GALNT11: variants seen among roughly 807,000 people sequenced by gnomAD.
GALNT11 encodes UDP-GalNAc:polypeptide N-acetylgalactosaminyltransferase 11.
In GALNT11, 47 loss-of-function variants were observed where a neutral mutation model predicts 72.7. The ratio of observed to expected loss-of-function variants is 0.65; its 90% CI spans 0.51 to 0.82. The LOEUF (loss-of-function observed/expected upper bound fraction) is 0.82. Ranked by LOEUF, GALNT11 falls within the 40% of genes least tolerant of loss-of-function variation. GALNT11 has a pLI of 0.00. For synonymous variants in GALNT11, 270 were observed against 286.6 expected (o/e 0.94, Z 0.58); for missense variants, 677 against 778.4 (o/e 0.87, Z 1.55).
chr7:152,039,924 TC>T (rs1188602767), intron 1 of GALNT11, among the ~76,000 whole-genome samples: 2 of 152,140 alleles, frequency 1.3e-5, no homozygotes, highest in East Asian at 3.9e-4. Flanking sequence ...TTAGGCAGGC[TC>T]AAAAAATTTA....
At position 152,108,199 on chromosome 7, in the gene GALNT11, G is replaced by A. The variant is rs533548373; in HGVS notation, c.874G>A (p.Gly292Arg). The change falls in exon 6 of 12, where the codon GGA (glycine) becomes AGA (arginine). Residue 292 changes from glycine to arginine, a missense_variant. Gly to Arg is a moderately radical substitution (Grantham distance 125, BLOSUM62 -2). Coordinates refer to ENST00000430044, the MANE Select transcript of GALNT11 (RefSeq NM_022087.4). Reference sequence around the variant, plus strand: ...CTACAGCTCGTCCCCTGTCGTCCGCGGAGGGTTCAACTGGGGACTGCACTT... The same window carrying A: ...CTACAGCTCGTCCCCTGTCGTCCGCAGAGGGTTCAACTGGGGACTGCACTT... ...LAYSSSPVVR[G>R]GFNWGLHFKW... 9.9e-6 allele frequency: 16 copies of A among 1,614,032 alleles called. No homozygotes were observed. Among genetic ancestry groups the A allele is most frequent in the South Asian group, 5.5e-5 (5 of 91,084 alleles).
rs956945033 is a variant in GALNT11 at position 152,055,040 on chromosome 7, T to C, written c.-39+29156T>C. Among the ~76,000 whole-genome samples the C allele has an allele frequency of 2.7e-5, 4 of 149,982 alleles. No homozygotes were observed. The South Asian group carries it at 8.5e-4, about 32-fold the overall frequency. Reference sequence around the variant, plus strand: ...AGCAGGCCAGAGACACAGGGAGGAGTTGCTGTTGCAATTTGAGTCCAAAGG... The same window carrying C: ...AGCAGGCCAGAGACACAGGGAGGAGCTGCTGTTGCAATTTGAGTCCAAAGG... On this transcript the variant is annotated intron_variant, in intron 1 of 11. Coordinates refer to ENST00000430044, the MANE Select transcript of GALNT11 (RefSeq NM_022087.4).
intron 1 of GALNT11, among the ~76,000 whole-genome samples, chr7:152,070,562 CAG>C (rs2084578340): frequency 6.6e-6 from 1 of 152,204 alleles, no homozygotes; most frequent in Admixed American, 6.5e-5. Flanking sequence ...TCAAAGCTAG[CAG>C]TAGGTCAAGT....
chr7:152,072,147 C>G (rs2084687900), intron 1 of GALNT11, among the ~76,000 whole-genome samples: 2 of 151,646 alleles, frequency 1.3e-5, no homozygotes, highest in South Asian at 4.2e-4. Flanking sequence ...TGATGAAACC[C>G]CATCTCTACT....
rs2086215736 is a variant in GALNT11, at chr7:152,094,067, T to C, written c.-38-123T>C. On this transcript the variant is annotated intron_variant, in intron 1 of 11. Transcript: ENST00000430044. The surrounding 1 kb of genome is among the most constrained non-coding windows in gnomAD (Gnocchi z 4.3). ...GTACTATCCATACATCTTCTTGTAT[T>C]TGAATATCCGTTAACTGTACGCATA... The C allele has an allele frequency of 5.1e-6, 4 of 779,470 alleles. No homozygotes were observed. The highest frequency in any genetic ancestry group is 8.1e-6 in the Non-Finnish European group (4 of 492,658). 48.3% of individuals were successfully genotyped at this position (779,470 alleles called of 1,614,324 possible).
intron 11 of GALNT11, 49 bp downstream of exon 11, chr7:152,121,017 T>C (rs148155799): frequency 1.3e-6 from 2 of 1,590,418 alleles, no homozygotes; most frequent in African/African-American, 1.4e-5. Context: ...GCCCACAAGG[T>C]TGAGTGAGGG....
At chr7:152,044,917 GGGTTTA>G (rs2083044114) in intron 1 of GALNT11, among the ~76,000 whole-genome samples, 1 of 151,592 alleles carries the variant, frequency 6.6e-6, no homozygotes. Flanking sequence ...TACTAACTGT[GGGTTTA>G]TTGTATATGG....
At chr7:152,081,747 G>A (rs2085337707) in intron 1 of GALNT11, among the ~76,000 whole-genome samples, 1 of 152,062 alleles carries the variant, frequency 6.6e-6, no homozygotes, top group Non-Finnish European at 1.5e-5. Context: ...GTTTATGGGG[G>A]ATGCTAGAAA....
intron 1 of GALNT11, among the ~76,000 whole-genome samples, chr7:152,043,546 T>C (rs1339406660): frequency 6.6e-6 from 1 of 151,876 alleles, no homozygotes. Context: ...ATCTGGGGGG[T>C]GTACTCTAAC....
rs2129084028 is a variant in GALNT11, at chr7:152,121,865, G to A, written c.*188G>A. Reference sequence around the variant, plus strand: ...TGTCTGACAGAGACGGGAGCTCTGAGTGTCCACGGGTGAAGAAGTGAGTGT... The same window carrying A: ...TGTCTGACAGAGACGGGAGCTCTGAATGTCCACGGGTGAAGAAGTGAGTGT... On this transcript the variant is annotated 3_prime_UTR_variant, in exon 12 of 12. Transcript: ENST00000430044. 3.4e-6 allele frequency: 2 copies of A among 595,986 alleles called. No individual in the cohort carries two copies. The highest frequency in any genetic ancestry group is 3.0e-5 in the East Asian group (1 of 33,218). The allele number at this position is 595,986 out of a possible 1,614,324, so 36.9% of individuals were successfully genotyped here. A position where few individuals can be genotyped will look rare whatever the true frequency, so the allele number is the denominator to read the frequency against.
At chr7:152,028,529 C>T (rs2082150178) in intron 1 of GALNT11, among the ~76,000 whole-genome samples, 1 of 151,996 alleles carries the variant, frequency 6.6e-6, no homozygotes, top group South Asian at 2.1e-4. Context: ...AGTCCCCTAC[C>T]CGATTAGCTA....
intron 1 of GALNT11, among the ~76,000 whole-genome samples, chr7:152,044,242 C>A (rs192067554): frequency 6.6e-6 from 1 of 152,136 alleles, no homozygotes; most frequent in East Asian, 1.9e-4. Flanking sequence ...GTATTCCTTA[C>A]GGGAAATAAA....
At chr7:152,114,672 T>A (rs1478281831) in intron 8 of GALNT11, among the ~76,000 whole-genome samples, 1 of 152,128 alleles carries the variant, frequency 6.6e-6, no homozygotes, top group Non-Finnish European at 1.5e-5. Context: ...GTGATTCTCC[T>A]GCCTCAGCCT....
At chr7:152,070,376 A>G (rs2084565706) in intron 1 of GALNT11, among the ~76,000 whole-genome samples, 2 of 152,130 alleles carry the variant, frequency 1.3e-5, no homozygotes. Context: ...CTATTCTTAC[A>G]GCACAACTTA....
chr7:152,049,588 C>T (rs1320976569), intron 1 of GALNT11, among the ~76,000 whole-genome samples: 1 of 152,208 alleles, frequency 6.6e-6, no homozygotes, highest in Non-Finnish European at 1.5e-5. Context: ...GAAGCCAGCA[C>T]AACACCAGGT....
chr7:152,103,041 G>T, intron 3 of GALNT11, 71 bp from the exon 4 acceptor site: 1 of 1,369,932 alleles, frequency 7.3e-7, no homozygotes, highest in South Asian at 1.3e-5. Flanking sequence ...CAGTAAATCT[G>T]TAGGTGAATA....
At chr7:152,046,065 A>G (rs1437039416) in intron 1 of GALNT11, among the ~76,000 whole-genome samples, 1 of 152,070 alleles carries the variant, frequency 6.6e-6, no homozygotes, top group Non-Finnish European at 1.5e-5. Flanking sequence ...ATTCAGGTGC[A>G]TATTGTTTAA....
chr7:152,028,080 T>A (rs548744023), intron 1 of GALNT11, among the ~76,000 whole-genome samples: 3 of 152,306 alleles, frequency 2.0e-5, no homozygotes, highest in Admixed American at 2.0e-4. Flanking sequence ...GCTCATAAAG[T>A]TAGTGCAGAC....
At chr7:152,113,976 C>CTGGTCTTG (rs2088569335) in intron 8 of GALNT11, among the ~76,000 whole-genome samples, 1 of 151,282 alleles carries the variant, frequency 6.6e-6, no homozygotes, top group South Asian at 2.1e-4. Context: ...GTTGCCCAGG[C>CTGGTCTTG]TGGTCTTGAG....
Sources: gnomAD v4.1 joint callset for allele counts (sites outside exome capture counted in the v4.1 genomes callset) on GRCh38, gnomAD v4.1.1 for gene constraint, Gnocchi (gnomAD v3.1) non-coding constraint, MANE v1.5 for transcripts, NCBI Gene and HGNC (gene_info 2026-07-23, HGNC 2026-07-21) for gene names.